Variants in TJP1 observed in about 807,000 individuals in gnomAD.
TJP1 encodes tight junction protein 1.
TJP1 carries 43 observed loss-of-function variants against 194.2 expected under a neutral mutation model. The observed-to-expected ratio is 0.22, with a 90% CI of 0.17 to 0.29. TJP1 has a LOEUF of 0.29. TJP1 is among the 10% of genes least tolerant of loss of function. The probability of loss-of-function intolerance (pLI) is 1.00; values close to 1 mark genes in which losing one functional copy is unlikely to be tolerated. For missense variants in TJP1, 1,971 were observed against 2,185.7 expected, an observed-to-expected ratio of 0.90 and a Z score of 1.96; for synonymous variants, 801 against 779.0, an observed-to-expected ratio of 1.03 and a Z score of -0.47.
chr15:29,727,876 A>G, intron 16 of TJP1, 61 bp downstream of exon 16: 1 of 1,428,680 alleles, frequency 7.0e-7, no homozygotes, highest in South Asian at 1.2e-5. Flanking sequence ...AAATTAACCA[A>G]ATCCCATCCC....
intron 2 of TJP1, among the ~76,000 whole-genome samples, chr15:29,852,865 T>C (rs1310290735): frequency 6.6e-6 from 1 of 151,824 alleles, no homozygotes; most frequent in Non-Finnish European, 1.5e-5. Flanking sequence ...GATCATGCCA[T>C]TGCATTCCAG....
chr15:29,932,575 T>A (rs907408049), intron 2 of TJP1, among the ~76,000 whole-genome samples: 2 of 152,032 alleles, frequency 1.3e-5, no homozygotes, highest in African/African-American at 2.4e-5. Context: ...AAGGGTTTTT[T>A]AAAACAAGAC....
At chr15:29,810,832 G>A (rs1004338666) in intron 1 of TJP1, among the ~76,000 whole-genome samples, 6 of 152,132 alleles carry the variant, frequency 3.9e-5, no homozygotes, top group African/African-American at 1.4e-4. Context: ...AGAGCCTAGT[G>A]TAGGAAAGTG....
At chr15:29,716,501 G>T in intron 23 of TJP1, 110 bp downstream of exon 23, 2 of 800,948 alleles carry the variant, frequency 2.5e-6, no homozygotes, top group Non-Finnish European at 3.9e-6. Context: ...AACCACTAGA[G>T]CCTACAGAAA....
At chr15:29,813,702 G>A (rs1449286615) in intron 1 of TJP1, among the ~76,000 whole-genome samples, 1 of 152,130 alleles carries the variant, frequency 6.6e-6, no homozygotes, top group Non-Finnish European at 1.5e-5. Flanking sequence ...CTTTGAAGAA[G>A]GGAGGATATG....
rs145098864 is a variant in TJP1, at chr15:29,711,473, C to A, written c.4203-473G>T. 3.8e-4 allele frequency among the ~76,000 whole-genome samples: 58 copies of A among 152,294 alleles called. 1 individual carries two copies. In the East Asian group the frequency reaches 0.01, roughly 27 times the overall value. ...CTCTGCCTCCCAGGCTCAAGTGATTCTTCTGCCTCAGCCTCCCGAGTAGCT... is the reference window on the plus strand; with the variant it reads ...CTCTGCCTCCCAGGCTCAAGTGATTATTCTGCCTCAGCCTCCCGAGTAGCT... On this transcript the variant is annotated intron_variant, in intron 23 of 27. Transcript: ENST00000614355.
intron 2 of TJP1, among the ~76,000 whole-genome samples, chr15:29,885,117 C>T (rs1332657128): frequency 6.6e-6 from 1 of 152,184 alleles, no homozygotes; most frequent in African/African-American, 2.4e-5. Flanking sequence ...TGACTCCCAG[C>T]CTCAAATACT....
upstream of TJP1, chr15:29,822,515 G>A (rs2050479770): frequency 4.1e-6 from 4 of 984,636 alleles, no homozygotes; most frequent in Non-Finnish European, 4.8e-6. Flanking sequence ...CCCGGCGGGG[G>A]CGGGGCTGGA....
chr15:29,766,366 T>C lies in TJP1; in HGVS notation c.489A>G (p.Arg163=), dbSNP rs370378190. ...CTGACCGCGGGGACAAGCTCCTCTC[T>C]CTACTTGCACTTCTATCCCTCGGCC... ...KIWPRDRSAS[R]ERSLSPRSDR... The change falls in exon 5 of 28, where the codon AGA becomes AGG. Residue 163 remains arginine (R), a synonymous_variant. Coordinates refer to ENST00000614355, the MANE Select transcript of TJP1 (RefSeq NM_001330239.4). 15 of 1,614,224 alleles carry C rather than the reference T, an allele frequency of 9.3e-6. No individual in the cohort carries two copies. The highest frequency in any genetic ancestry group is 8.9e-5 in the East Asian group (4 of 44,870).
intron 2 of TJP1, among the ~76,000 whole-genome samples, chr15:29,797,033 A>G (rs2048458223): frequency 6.6e-6 from 1 of 152,232 alleles, no homozygotes; most frequent in Non-Finnish European, 1.5e-5. Context: ...AAACTTTTAA[A>G]GGAAAACAGA....
At chr15:29,953,651 G>T (rs4779684) in intron 2 of TJP1, among the ~76,000 whole-genome samples, 69,930 of 151,828 alleles carry the variant, frequency 0.46, 16,621 homozygotes, top group East Asian at 0.79. Flanking sequence ...TGAAACATGC[G>T]CATTGTGAAA....
At chr15:29,835,271 A>C (rs2152055536) in intron 2 of TJP1, among the ~76,000 whole-genome samples, 1 of 152,286 alleles carries the variant, frequency 6.6e-6, no homozygotes, top group African/African-American at 2.4e-5. Context: ...AATGTGGGTA[A>C]TTTTAAATGT....
chr15:29,721,288 GTGGTTTCTAATGGTTTAGC>G (rs2042914022), intron 18 of TJP1, among the ~76,000 whole-genome samples: 2 of 152,190 alleles, frequency 1.3e-5, no homozygotes, highest in Non-Finnish European at 2.9e-5. Context: ...GATCATGGGG[GTGGTTTCTAATGGTTTAGC>G]ACCATCTCCC....
At chr15:29,844,149 C>G (rs1419838502) in intron 2 of TJP1, among the ~76,000 whole-genome samples, 1 of 152,200 alleles carries the variant, frequency 6.6e-6, no homozygotes, top group Non-Finnish European at 1.5e-5. Flanking sequence ...CGGCTCACTG[C>G]AACCTCCTCA....
chr15:29,855,464 C>A (rs989722758), intron 2 of TJP1, among the ~76,000 whole-genome samples: 2 of 152,126 alleles, frequency 1.3e-5, no homozygotes, highest in African/African-American at 4.8e-5. Flanking sequence ...ATGATCATGA[C>A]ACATTGTATA....
chr15:29,862,895 G>A (rs1324098651), intron 2 of TJP1, among the ~76,000 whole-genome samples: 7 of 150,212 alleles, frequency 4.7e-5, no homozygotes, highest in Non-Finnish European at 8.9e-5. Flanking sequence ...TGATCCGCCC[G>A]CCTCGGCCTC....
intron 1 of TJP1, among the ~76,000 whole-genome samples, chr15:29,958,577 T>G (rs1389267483): frequency 6.6e-6 from 1 of 152,190 alleles, no homozygotes; most frequent in East Asian, 1.9e-4. Flanking sequence ...TTATACATCT[T>G]ATTAGGGAAA....
intron 2 of TJP1, among the ~76,000 whole-genome samples, chr15:29,790,751 C>CTTT (rs926624507): frequency 1.5e-5 from 2 of 130,810 alleles, no homozygotes; most frequent in African/African-American, 2.8e-5. Context: ...GTTCATTTTT[C>CTTT]TTTTTTTTTT....
chr15:29,965,103 T>C (rs1479745040), intron 1 of TJP1, among the ~76,000 whole-genome samples: 1 of 152,218 alleles, frequency 6.6e-6, no homozygotes, highest in Non-Finnish European at 1.5e-5. Context: ...TAGACTGCAG[T>C]AAAGACAGAG....
Sources: allele counts gnomAD v4.1 joint callset (sites outside exome capture counted in the v4.1 genomes callset), GRCh38; gene constraint gnomAD v4.1.1; transcripts MANE v1.5; gene names NCBI Gene and HGNC (gene_info 2026-07-23, HGNC 2026-07-21).